The following SLC71A1 variants were observed in gnomAD, a reference collection of about 807,000 sequenced individuals.
The protein encoded by SLC71A1 is hippocampus abundant gene transcript 1.
the SLC71A1 span, among the ~76,000 whole-genome samples, chr1:100,049,569 T>A: frequency 6.6e-6 from 1 of 152,200 alleles, no homozygotes; most frequent in African/African-American, 2.4e-5. Context: ...GGAAGCTTTG[T>A]ACAGGCTGAG....
the SLC71A1 span, chr1:100,042,986 A>T: frequency 2.0e-6 from 1 of 489,288 alleles, no homozygotes; most frequent in Non-Finnish European, 2.7e-6. Context: ...CAGCATCATT[A>T]ATTACTTAGC....
chr1:100,052,483 G>A, the SLC71A1 span, among the ~76,000 whole-genome samples: 1 of 144,186 alleles, frequency 6.9e-6, no homozygotes, highest in African/African-American at 2.6e-5. Flanking sequence ...CCAGGCTGGA[G>A]TGCAGAGGCA....
At chr1:100,073,622 T>C in the SLC71A1 span, among the ~76,000 whole-genome samples, 2 of 152,198 alleles carry the variant, frequency 1.3e-5, no homozygotes, top group Non-Finnish European at 2.9e-5. Flanking sequence ...GAATATCTTG[T>C]TAAATAAGCA....
At chr1:100,082,366 TAGAACC>T in the SLC71A1 span, 7 of 619,222 alleles carry the variant, frequency 1.1e-5, no homozygotes, top group Non-Finnish European at 1.9e-5. Flanking sequence ...AGTGGGAACT[TAGAACC>T]AGACAGTTTT....
chr1:100,072,790 G>A, the SLC71A1 span, among the ~76,000 whole-genome samples: 17 of 152,082 alleles, frequency 1.1e-4, no homozygotes, highest in Admixed American at 2.0e-4. Context: ...CCTGGGCACC[G>A]GTACGTATAA....
At chr1:100,053,273 C>T in the SLC71A1 span, among the ~76,000 whole-genome samples, 2 of 152,136 alleles carry the variant, frequency 1.3e-5, no homozygotes, top group Non-Finnish European at 2.9e-5. Context: ...GTACTCCTCC[C>T]ACTCCTCCCC....
At chr1:100,055,355 T>G in the SLC71A1 span, among the ~76,000 whole-genome samples, 2 of 151,960 alleles carry the variant, frequency 1.3e-5, no homozygotes. Flanking sequence ...ATTTTTTTTT[T>G]TTTTTTGTAG....
chr1:100,082,184 C>G, the SLC71A1 span: 1 of 1,614,058 alleles, frequency 6.2e-7, no homozygotes. Context: ...GCCAAAGAAC[C>G]TTTACTCCAG....
the SLC71A1 span, among the ~76,000 whole-genome samples, chr1:100,051,141 C>T: frequency 6.6e-6 from 1 of 151,304 alleles, no homozygotes; most frequent in African/African-American, 2.4e-5. Flanking sequence ...ACCTGTAATC[C>T]CAGTACTTTG....
At chr1:100,074,624 A>G in the SLC71A1 span, among the ~76,000 whole-genome samples, 3 of 151,850 alleles carry the variant, frequency 2.0e-5, no homozygotes, top group Non-Finnish European at 4.4e-5. Flanking sequence ...CACGCCTGAG[A>G]TACCAGCACT....
the SLC71A1 span, among the ~76,000 whole-genome samples, chr1:100,053,241 G>T: frequency 6.6e-6 from 1 of 151,964 alleles, no homozygotes; most frequent in Non-Finnish European, 1.5e-5. Flanking sequence ...GGCTTTGTTG[G>T]CAGTCTTTGT....
the SLC71A1 span, among the ~76,000 whole-genome samples, chr1:100,065,648 CT>C: frequency 6.5e-5 from 9 of 139,366 alleles, no homozygotes; most frequent in Admixed American, 6.8e-4. Flanking sequence ...CTTCTTTTTT[CT>C]TTTTCTTTCC....
chr1:100,078,494 A>G, the SLC71A1 span: 2 of 1,613,786 alleles, frequency 1.2e-6, no homozygotes, highest in Non-Finnish European at 1.7e-6. Flanking sequence ...GTCTAGCATC[A>G]CCTTTCCTGC....
the SLC71A1 span, among the ~76,000 whole-genome samples, chr1:100,062,313 A>G: frequency 1.3e-5 from 2 of 152,236 alleles, no homozygotes; most frequent in Non-Finnish European, 2.9e-5. Context: ...GCTAACATCT[A>G]GCTCAGGGAT....
At chr1:100,072,012 C>A in the SLC71A1 span, among the ~76,000 whole-genome samples, 1 of 152,268 alleles carries the variant, frequency 6.6e-6, no homozygotes, top group African/African-American at 2.4e-5. Flanking sequence ...ATGACACACA[C>A]AGTCCATGAG....
chr1:100,044,675 C>G, the SLC71A1 span, among the ~76,000 whole-genome samples: 1 of 152,052 alleles, frequency 6.6e-6, no homozygotes, highest in Non-Finnish European at 1.5e-5. Flanking sequence ...ACCACCATGC[C>G]TGGCTAACTT....
At chr1:100,065,187 G>T in the SLC71A1 span, among the ~76,000 whole-genome samples, 1,531 of 152,062 alleles carry the variant, frequency 0.01, 16 homozygotes, top group Non-Finnish European at 0.015. Flanking sequence ...AGTTTTTTTT[G>T]ATTGCTGTGT....
At chr1:100,065,524 T>G in the SLC71A1 span, among the ~76,000 whole-genome samples, 1 of 137,616 alleles carries the variant, frequency 7.3e-6, no homozygotes, top group Non-Finnish European at 1.6e-5. Context: ...TCACTTTCAC[T>G]TTCCCCTTTC....
the SLC71A1 span, chr1:100,082,492 A>T: frequency 2.7e-6 from 1 of 374,042 alleles, no homozygotes; most frequent in African/African-American, 2.1e-5. Context: ...CTATATATGT[A>T]ACTTCTTAGA....
Sources: gnomAD v4.1 joint callset for allele counts (sites outside exome capture counted in the v4.1 genomes callset) on GRCh38, gnomAD v4.1.1 for gene constraint, MANE v1.5 for transcripts, NCBI Gene and HGNC (gene_info 2026-07-23, HGNC 2026-07-21) for gene names.